MAPKAPK3: variants seen among roughly 807,000 people sequenced by gnomAD.
MAPKAPK3 encodes MAPK activated protein kinase 3, also known as MAP kinase-activated protein kinase 3.
In MAPKAPK3, 35 loss-of-function variants were observed where a neutral mutation model predicts 49.2. The observed-to-expected ratio is 0.71, with a 90% CI of 0.54 to 0.94. MAPKAPK3 has a LOEUF of 0.94. MAPKAPK3 is among the 40% of genes least tolerant of loss of function. The pLI, the probability that MAPKAPK3 is intolerant of heterozygous loss-of-function variation, is 0.00. For missense variants in MAPKAPK3, 398 were observed against 493.1 expected (o/e 0.81, Z 1.83); for synonymous variants, 178 against 188.7 (o/e 0.94, Z 0.46).
In MAPKAPK3 at chr3:50,649,004, C is replaced by T. The variant is rs1486371872; in HGVS notation, c.*958C>T. 6.6e-6 allele frequency: 1 copy of T among 152,268 alleles called. No individual in the cohort carries two copies. The highest frequency in any genetic ancestry group is 2.4e-5 in the African/African-American group (1 of 41,462). 9.4% of individuals were successfully genotyped at this position (152,268 alleles called of 1,614,324 possible). ...GTCTCTTTCTTTACTCTGGGTCAGA[C>T]CTGAGGTTGGGGAAGGCGACTGAGC... is the stretch of plus-strand genomic sequence containing the variant. On this transcript the variant is annotated 3_prime_UTR_variant, in exon 11 of 11. Coordinates refer to ENST00000621469, the MANE Select transcript of MAPKAPK3 (RefSeq NM_001243925.2).
In MAPKAPK3 at chr3:50,648,774, C is replaced by T. The variant is rs1205986074; in HGVS notation, c.*728C>T. On this transcript the variant is annotated 3_prime_UTR_variant, in exon 11 of 11. Transcript: ENST00000621469. Reference sequence around the variant, plus strand: ...CCCAAAGGGTGACTTTTCATCTGAACTTAAGGTGGGAGATATTTTTAACTT... The same window carrying T: ...CCCAAAGGGTGACTTTTCATCTGAATTTAAGGTGGGAGATATTTTTAACTT... 6.6e-6 allele frequency: 1 copy of T among 152,276 alleles called. No homozygotes were observed. Among genetic ancestry groups the T allele is most frequent in the Non-Finnish European group, 1.5e-5 (1 of 68,052 alleles). 9.4% of individuals were successfully genotyped at this position (152,276 alleles called of 1,614,324 possible). A position where few individuals can be genotyped will look rare whatever the true frequency, so the allele number is the denominator to read the frequency against.
rs141936378 is a variant in MAPKAPK3, at chr3:50,639,229, C to T, written c.220-1137C>T. ...CAGAGTTGTGGGCTGCAGCTTGGAG[C>T]TGTGAATGTATGCCTGAGGTCACAC... is the stretch of plus-strand genomic sequence containing the variant. On this transcript the variant is annotated intron_variant, in intron 2 of 10. Coordinates refer to ENST00000621469, the MANE Select transcript of MAPKAPK3 (RefSeq NM_001243925.2). Among the ~76,000 whole-genome samples, 643 of 152,324 alleles carry T rather than the reference C, an allele frequency of 4.2e-3. 8 individuals are homozygous for T. Among genetic ancestry groups the T allele is most frequent in the African/African-American group, 0.013 (544 of 41,556 alleles).
upstream of MAPKAPK3, among the ~76,000 whole-genome samples, chr3:50,615,552 C>T (rs1371874717): frequency 6.6e-6 from 1 of 152,202 alleles, no homozygotes; most frequent in Non-Finnish European, 1.5e-5. Flanking sequence ...AATGGGGGCT[C>T]TGTCATGACA....
In MAPKAPK3 at chr3:50,634,664, T is replaced by C. The variant is rs553447969; in HGVS notation, c.220-5702T>C. 2.0e-5 allele frequency among the ~76,000 whole-genome samples: 3 copies of C among 152,286 alleles called. No homozygotes were observed. In the South Asian group the frequency reaches 6.2e-4, roughly 32 times the overall value. Reference sequence around the variant, plus strand: ...CCACCACACCCAGCTAATTTTTTTGTATTTTTAGTAGAGATGGGGTTTCAC... The same window carrying C: ...CCACCACACCCAGCTAATTTTTTTGCATTTTTAGTAGAGATGGGGTTTCAC... On this transcript the variant is annotated intron_variant, in intron 2 of 10. Coordinates refer to ENST00000621469, the MANE Select transcript of MAPKAPK3 (RefSeq NM_001243925.2).
chr3:50,644,353 G>T (rs937841667), intron 5 of MAPKAPK3, 56 bp from the exon 6 acceptor site: 10 of 1,604,368 alleles, frequency 6.2e-6, no homozygotes, highest in South Asian at 1.1e-5. Context: ...TCACCTTGGG[G>T]CTCTGCTCCT....
chr3:50,615,616 G>A (rs558174818), upstream of MAPKAPK3, among the ~76,000 whole-genome samples: 73 of 152,202 alleles, frequency 4.8e-4, no homozygotes, highest in Non-Finnish European at 9.4e-4. Flanking sequence ...TGTCCTGTGT[G>A]TCTGTAGTGT....
rs1169815672 is a variant in MAPKAPK3, at chr3:50,631,865, T to A, written c.220-8501T>A. ...TGCCTGAGATTTCGTGTTGAGCACG[T>A]GCACTGAGATTTAATCTTCAGCATT... is the stretch of plus-strand genomic sequence containing the variant. On this transcript the variant is annotated intron_variant, in intron 2 of 10. Transcript: ENST00000621469. 2.6e-5 allele frequency among the ~76,000 whole-genome samples: 4 copies of A among 152,340 alleles called. No homozygotes were observed. In the East Asian group the frequency reaches 7.7e-4, roughly 29 times the overall value.
At chr3:50,635,936 A>AC (rs2033028207) in intron 2 of MAPKAPK3, among the ~76,000 whole-genome samples, 4 of 123,026 alleles carry the variant, frequency 3.3e-5, no homozygotes, top group African/African-American at 1.0e-4. Flanking sequence ...AAAAAAAAAA[A>AC]AAAAAAAAAA....
At chr3:50,633,120 C>T (rs544788155) in intron 2 of MAPKAPK3, among the ~76,000 whole-genome samples, 1 of 152,102 alleles carries the variant, frequency 6.6e-6, no homozygotes, top group African/African-American at 2.4e-5. Context: ...TGAATGGAGG[C>T]ATCTGGGCTT....
upstream of MAPKAPK3, among the ~76,000 whole-genome samples, chr3:50,615,202 G>T (rs2032432098): frequency 6.6e-6 from 1 of 152,162 alleles, no homozygotes. Context: ...GCTCCCCCCA[G>T]CAGTAGAAGA....
chr3:50,648,321 G>A lies in MAPKAPK3; in HGVS notation c.*275G>A. On this transcript the variant is annotated 3_prime_UTR_variant, in exon 11 of 11. Coordinates refer to ENST00000621469, the MANE Select transcript of MAPKAPK3 (RefSeq NM_001243925.2). ...CCTTTAGCTAGGTTGGCCCGAGTGA[G>A]GCCTCTGTGCTGTCCTGCCCTGGTG... 2.5e-6 allele frequency: 1 copy of A among 396,434 alleles called. No homozygotes were observed. The highest frequency in any genetic ancestry group is 4.6e-6 in the Non-Finnish European group (1 of 218,280). The allele number at this position is 396,434 out of a possible 1,614,324, so 24.6% of individuals were successfully genotyped here.
intron 2 of MAPKAPK3, among the ~76,000 whole-genome samples, chr3:50,628,890 G>T (rs894520319): frequency 6.6e-6 from 1 of 152,212 alleles, no homozygotes; most frequent in Non-Finnish European, 1.5e-5. Flanking sequence ...CACACATTTT[G>T]CAGGAGGGAC....
At chr3:50,633,734 A>G (rs1283205041) in intron 2 of MAPKAPK3, among the ~76,000 whole-genome samples, 2 of 152,228 alleles carry the variant, frequency 1.3e-5, no homozygotes, top group African/African-American at 4.8e-5. Context: ...AATTGGGGCT[A>G]ATGGTTCCCA....
chr3:50,637,722 A>G lies in MAPKAPK3; in HGVS notation c.220-2644A>G, dbSNP rs559216386. On this transcript the variant is annotated intron_variant, in intron 2 of 10. Coordinates refer to ENST00000621469, the MANE Select transcript of MAPKAPK3 (RefSeq NM_001243925.2). ...GAGAGAGAGAGAGAGAGAGAGAGAG[A>G]GATGGAGACAGAGAGAGAGAGAGAT... Among the ~76,000 whole-genome samples the G allele has an allele frequency of 9.3e-3, 1,237 of 132,588 alleles. 23 individuals are homozygous for G. Among genetic ancestry groups the G allele is most frequent in the African/African-American group, 0.032 (1,135 of 35,796 alleles). 87.0% of individuals were successfully genotyped at this position (132,588 alleles called of 152,430 possible).
intron 2 of MAPKAPK3, among the ~76,000 whole-genome samples, chr3:50,631,972 C>T (rs899709285): frequency 1.3e-5 from 2 of 152,222 alleles, no homozygotes; most frequent in Admixed American, 6.5e-5. Flanking sequence ...TGCTGCTCCT[C>T]TCCTATCTGT....
intron 5 of MAPKAPK3, among the ~76,000 whole-genome samples, 162 bp downstream of exon 5, chr3:50,642,494 A>G (rs1293155487): frequency 6.6e-6 from 1 of 152,188 alleles, no homozygotes. Flanking sequence ...CCTCTTCTCT[A>G]GTTTCAGCAT....
In MAPKAPK3 at chr3:50,637,367, C is replaced by T. The variant is rs1299899960; in HGVS notation, c.220-2999C>T. ...CAGTAAGAAAGGTGCTGGGAGGGGC[C>T]GGGCGTGGTGGCTCACACCTGTAAT... On this transcript the variant is annotated intron_variant, in intron 2 of 10. Coordinates refer to ENST00000621469, the MANE Select transcript of MAPKAPK3 (RefSeq NM_001243925.2). Among the ~76,000 whole-genome samples the T allele has an allele frequency of 4.0e-5, 6 of 151,154 alleles. No homozygotes were observed. In the South Asian group the frequency reaches 6.3e-4, roughly 16 times the overall value.
upstream of MAPKAPK3, among the ~76,000 whole-genome samples, chr3:50,616,123 C>T (rs577487539): frequency 6.6e-4 from 101 of 152,336 alleles, 1 homozygote; most frequent in Middle Eastern, 0.017. Flanking sequence ...ACAGCAGAGG[C>T]CCATGCAGAG....
At chr3:50,619,371 T>TG (rs749517781) in intron 2 of MAPKAPK3, among the ~76,000 whole-genome samples, 3 of 152,138 alleles carry the variant, frequency 2.0e-5, no homozygotes, top group Non-Finnish European at 4.4e-5. Context: ...GGATCAGGGT[T>TG]GGGCTGGTGG....
Sources: gnomAD v4.1 joint callset for allele counts (sites outside exome capture counted in the v4.1 genomes callset) on GRCh38, gnomAD v4.1.1 for gene constraint, MANE v1.5 for transcripts, NCBI Gene and HGNC (gene_info 2026-07-23, HGNC 2026-07-21) for gene names.